ARB2A: variants seen among roughly 807,000 people sequenced by gnomAD.
ARB2A encodes the protein ARB2 cotranscriptional regulator A.
chr5:94,072,971 C>G, the ARB2A span, among the ~76,000 whole-genome samples: 3 of 152,172 alleles, frequency 2.0e-5, no homozygotes, highest in East Asian at 3.9e-4. Flanking sequence ...TTTCTCACCA[C>G]TAATATATTT....
chr5:93,905,155 G>A, the ARB2A span, among the ~76,000 whole-genome samples: 3 of 151,656 alleles, frequency 2.0e-5, no homozygotes, highest in Non-Finnish European at 3.0e-5. Flanking sequence ...TTATTTAGGA[G>A]TAAGAAGATA....
the ARB2A span, among the ~76,000 whole-genome samples, chr5:93,681,637 A>T: frequency 6.6e-6 from 1 of 152,184 alleles, no homozygotes; most frequent in African/African-American, 2.4e-5. Context: ...TAAAATTGTT[A>T]TCTTTTTTAT....
At chr5:93,812,384 C>A in the ARB2A span, among the ~76,000 whole-genome samples, 1 of 152,042 alleles carries the variant, frequency 6.6e-6, no homozygotes, top group Non-Finnish European at 1.5e-5. Flanking sequence ...TACAGGGCAT[C>A]ATTTGATGGA....
the ARB2A span, among the ~76,000 whole-genome samples, chr5:94,044,474 A>G: frequency 6.6e-6 from 1 of 152,134 alleles, no homozygotes; most frequent in African/African-American, 2.4e-5. Flanking sequence ...TCAGGCAGGA[A>G]TATCATCGCC....
the ARB2A span, among the ~76,000 whole-genome samples, chr5:93,667,820 T>C: frequency 4.6e-5 from 7 of 152,310 alleles, no homozygotes; most frequent in Admixed American, 2.6e-4. Flanking sequence ...TTTGGGCCAA[T>C]TTATAGGTAA....
chr5:93,835,591 T>C, the ARB2A span, among the ~76,000 whole-genome samples: 2 of 152,270 alleles, frequency 1.3e-5, no homozygotes, highest in East Asian at 3.8e-4. Flanking sequence ...AATCTTTCTG[T>C]GATTATACTG....
chr5:94,086,926 T>C, the ARB2A span, among the ~76,000 whole-genome samples: 1 of 152,202 alleles, frequency 6.6e-6, no homozygotes, highest in Non-Finnish European at 1.5e-5. Context: ...AAAAGTTAAC[T>C]GTAAAACAGC....
At chr5:93,994,399 G>T in the ARB2A span, among the ~76,000 whole-genome samples, 1 of 152,168 alleles carries the variant, frequency 6.6e-6, no homozygotes, top group African/African-American at 2.4e-5. Context: ...TATGCTAAGT[G>T]TAACAGGCCA....
chr5:93,759,591 C>T, the ARB2A span, among the ~76,000 whole-genome samples: 6 of 152,128 alleles, frequency 3.9e-5, no homozygotes, highest in Non-Finnish European at 8.8e-5. Flanking sequence ...GATGGTTTAA[C>T]ATATGCAAGT....
chr5:93,796,014 C>T, the ARB2A span, among the ~76,000 whole-genome samples: 1 of 152,132 alleles, frequency 6.6e-6, no homozygotes, highest in Admixed American at 6.5e-5. Flanking sequence ...ACCCAAACTT[C>T]AAATAAAGTA....
the ARB2A span, among the ~76,000 whole-genome samples, chr5:93,726,002 G>GGTT: frequency 6.6e-6 from 1 of 152,014 alleles, no homozygotes; most frequent in African/African-American, 2.4e-5. Context: ...TGTGGTAATT[G>GGTT]GTTGATACAG....
At chr5:93,788,216 C>A in the ARB2A span, among the ~76,000 whole-genome samples, 15 of 152,178 alleles carry the variant, frequency 9.9e-5, no homozygotes, top group Admixed American at 2.0e-4. Context: ...GGGGGGAAAT[C>A]CTGTTTATCA....
chr5:93,940,468 T>A, the ARB2A span, among the ~76,000 whole-genome samples: 133 of 152,124 alleles, frequency 8.7e-4, no homozygotes, highest in African/African-American at 3.2e-3. Flanking sequence ...GTCTTTTTCA[T>A]ATTAAATCTT....
At chr5:93,917,945 C>T in the ARB2A span, among the ~76,000 whole-genome samples, 2 of 152,116 alleles carry the variant, frequency 1.3e-5, no homozygotes, top group Non-Finnish European at 1.5e-5. Context: ...TTCCCTGTAC[C>T]AGCCCCAAAA....
the ARB2A span, among the ~76,000 whole-genome samples, chr5:94,102,084 T>A: frequency 6.8e-6 from 1 of 147,728 alleles, no homozygotes; most frequent in Non-Finnish European, 1.5e-5. Flanking sequence ...TAGGAAATAA[T>A]ATTAATAATT....
chr5:94,031,252 A>G, the ARB2A span, among the ~76,000 whole-genome samples: 1 of 152,212 alleles, frequency 6.6e-6, no homozygotes, highest in South Asian at 2.1e-4. Flanking sequence ...GATGAAAAGA[A>G]CTAAGGAATA....
chr5:93,842,407 C>T, the ARB2A span, among the ~76,000 whole-genome samples: 2 of 152,164 alleles, frequency 1.3e-5, no homozygotes, highest in African/African-American at 2.4e-5. Context: ...ATTTGTTGAT[C>T]CTTTCTCTAA....
chr5:93,662,402 C>A, the ARB2A span, among the ~76,000 whole-genome samples: 2 of 152,152 alleles, frequency 1.3e-5, no homozygotes, highest in Admixed American at 6.5e-5. Flanking sequence ...AGAAACAAAT[C>A]TGCTTGCTAC....
chr5:94,085,019 C>A, the ARB2A span, among the ~76,000 whole-genome samples: 1 of 152,048 alleles, frequency 6.6e-6, no homozygotes, highest in Non-Finnish European at 1.5e-5. Context: ...TCCGACAATA[C>A]CAAAAGTTAA....
Sources: allele counts gnomAD v4.1 joint callset (sites outside exome capture counted in the v4.1 genomes callset), GRCh38; gene constraint gnomAD v4.1.1; transcripts MANE v1.5; gene names NCBI Gene and HGNC (gene_info 2026-07-23, HGNC 2026-07-21).